The following AGBL4 variants were observed in gnomAD, a reference collection of about 807,000 sequenced individuals.
AGBL4 encodes the protein AGBL carboxypeptidase 4.
Under a neutral mutation model 66.4 loss-of-function variants are expected in AGBL4, and 58 were observed. That is an observed-to-expected ratio of 0.87 (90% CI 0.71 to 1.09). The LOEUF is 1.09. AGBL4 is among the 50% of genes least tolerant of loss of function. AGBL4 has a pLI of 0.00. For missense variants in AGBL4, 579 were observed against 631.0 expected (o/e 0.92, Z 0.88); for synonymous variants, 234 against 222.9 (o/e 1.05, Z -0.44).
At chr1:49,606,540 G>C (rs1347074224) in intron 3 of AGBL4, among the ~76,000 whole-genome samples, 2 of 152,056 alleles carry the variant, frequency 1.3e-5, no homozygotes, top group Non-Finnish European at 2.9e-5. Flanking sequence ...GCCTGAAGCT[G>C]TTTCAGTCTT....
At chr1:48,535,461 G>A (rs1040348016) in intron 12 of AGBL4, among the ~76,000 whole-genome samples, 10 of 152,196 alleles carry the variant, frequency 6.6e-5, no homozygotes, top group Non-Finnish European at 1.5e-4. Context: ...TAAGTTTGAT[G>A]TGTACGCTTT....
intron 6 of AGBL4, among the ~76,000 whole-genome samples, chr1:48,853,322 G>A (rs1647074152): frequency 6.6e-6 from 1 of 152,178 alleles, no homozygotes; most frequent in African/African-American, 2.4e-5. Context: ...GAGACCCCAA[G>A]CCAAAACCAT....
intron 2 of AGBL4, among the ~76,000 whole-genome samples, chr1:49,816,695 A>C (rs1180371889): frequency 6.6e-6 from 1 of 152,184 alleles, no homozygotes; most frequent in Admixed American, 6.6e-5. Flanking sequence ...ATACCAATGA[A>C]AATAATGCAG....
intron 4 of AGBL4, among the ~76,000 whole-genome samples, chr1:49,185,787 AC>A (rs1283636215): frequency 6.6e-6 from 1 of 152,056 alleles, no homozygotes; most frequent in Non-Finnish European, 1.5e-5. Context: ...TCTTCCCAGA[AC>A]TGGTGGTCCT....
chr1:49,842,296 T>C (rs1181308063), intron 2 of AGBL4: 5 of 479,222 alleles, frequency 1.0e-5, no homozygotes, highest in Non-Finnish European at 1.6e-5. Context: ...CTGTAGGACA[T>C]TGGTTACCAA....
intron 11 of AGBL4, among the ~76,000 whole-genome samples, chr1:48,582,544 A>G (rs1351194424): frequency 6.6e-6 from 1 of 152,182 alleles, no homozygotes; most frequent in Non-Finnish European, 1.5e-5. Flanking sequence ...CCAAAGCCAG[A>G]TTGTCAAGTT....
chr1:48,720,478 A>C (rs1647127923), intron 6 of AGBL4, among the ~76,000 whole-genome samples: 1 of 152,246 alleles, frequency 6.6e-6, no homozygotes, highest in South Asian at 2.1e-4. Context: ...CTTAGATGCC[A>C]GTTCAGGCTC....
At chr1:49,876,901 T>C (rs1213412935) in intron 1 of AGBL4, among the ~76,000 whole-genome samples, 1 of 151,012 alleles carries the variant, frequency 6.6e-6, no homozygotes, top group Admixed American at 6.6e-5. Context: ...TTCCTAGGTA[T>C]TTTATTCTCT....
At chr1:49,257,638 C>T (rs990679040) in intron 3 of AGBL4, among the ~76,000 whole-genome samples, 1 of 152,226 alleles carries the variant, frequency 6.6e-6, no homozygotes. Flanking sequence ...GGCAATGCCT[C>T]GCGCTGCTTT....
intron 3 of AGBL4, among the ~76,000 whole-genome samples, chr1:49,682,198 G>A (rs1646708012): frequency 6.6e-6 from 1 of 152,136 alleles, no homozygotes; most frequent in South Asian, 2.1e-4. Flanking sequence ...ACAAGGTCAA[G>A]AGATCGAGAC....
chr1:48,623,953 G>T (rs1437058260), intron 9 of AGBL4, among the ~76,000 whole-genome samples: 1 of 152,164 alleles, frequency 6.6e-6, no homozygotes, highest in Non-Finnish European at 1.5e-5. Context: ...CTCTTTTTTA[G>T]CTCATTTGTG....
chr1:49,236,239 G>C (rs1024445014), intron 4 of AGBL4, among the ~76,000 whole-genome samples: 1 of 152,008 alleles, frequency 6.6e-6, no homozygotes, highest in Admixed American at 6.6e-5. Context: ...TGTTGGCCAG[G>C]CTGGTCACAA....
At chr1:48,761,786 C>A (rs949739641) in intron 6 of AGBL4, among the ~76,000 whole-genome samples, 1 of 152,176 alleles carries the variant, frequency 6.6e-6, no homozygotes, top group Non-Finnish European at 1.5e-5. Flanking sequence ...TGAATTGGAA[C>A]AGCCCTTAGA....
chr1:49,534,210 T>C (rs1221202675), intron 3 of AGBL4, among the ~76,000 whole-genome samples: 1 of 135,838 alleles, frequency 7.4e-6, no homozygotes, highest in Non-Finnish European at 1.6e-5. Context: ...AAAAATTACC[T>C]ATGGGCACAG....
intron 2 of AGBL4, among the ~76,000 whole-genome samples, chr1:49,754,526 G>A (rs934067900): frequency 3.0e-4 from 45 of 152,194 alleles, no homozygotes; most frequent in African/African-American, 9.4e-4. Context: ...TGCAGCCTGT[G>A]CAACAGCAAA....
At chr1:49,658,450 C>A (rs973655023) in intron 3 of AGBL4, among the ~76,000 whole-genome samples, 2 of 152,150 alleles carry the variant, frequency 1.3e-5, no homozygotes, top group Non-Finnish European at 2.9e-5. Flanking sequence ...TTCAGTGTGG[C>A]GATTCCTCAG....
chr1:49,237,914 T>C (rs552657438), intron 4 of AGBL4, among the ~76,000 whole-genome samples: 6 of 152,108 alleles, frequency 3.9e-5, no homozygotes, highest in African/African-American at 9.7e-5. Flanking sequence ...CCTTTAGTTT[T>C]ATTTTATCTA....
chr1:48,664,483 C>T (rs1416828485), intron 6 of AGBL4, among the ~76,000 whole-genome samples: 1 of 152,178 alleles, frequency 6.6e-6, no homozygotes, highest in African/African-American at 2.4e-5. Context: ...ACCACATTCA[C>T]AAAGCTTTAA....
Position 49,218,132 on chromosome 1 carries a change from T to C in AGBL4, c.377+27638A>G, listed in dbSNP as rs139041106. On this transcript the variant is annotated intron_variant, in intron 4 of 13. Transcript: ENST00000371839. The stretch of plus-strand genomic sequence containing the variant: ...ATCCTTTCACCTATCTGATAACAGA[T>C]TGAGAAACTAAGGAGTCACTTGTGA... 1.1e-3 allele frequency among the ~76,000 whole-genome samples: 174 copies of C among 152,176 alleles called. 2 individuals carry two copies. Among genetic ancestry groups the C allele is most frequent in the African/African-American group, 4.0e-3 (165 of 41,536 alleles).
Sources: gnomAD v4.1 joint callset for allele counts (sites outside exome capture counted in the v4.1 genomes callset) on GRCh38, gnomAD v4.1.1 for gene constraint, MANE v1.5 for transcripts, NCBI Gene and HGNC (gene_info 2026-07-23, HGNC 2026-07-21) for gene names.